The following INTU variants were observed in gnomAD, a reference collection of about 807,000 sequenced individuals.
INTU encodes the protein inturned planar cell polarity protein, also known as protein inturned.
A neutral mutation model predicts 100.5 loss-of-function variants in INTU; 68 were observed. The ratio of observed to expected loss-of-function variants is 0.68; its 90% CI spans 0.56 to 0.83. The LOEUF is 0.83. Ranked by LOEUF, INTU falls within the 40% of genes least tolerant of loss-of-function variation. The pLI is 0.00. For missense variants in INTU, 1,071 were observed against 1,114.7 expected (o/e 0.96, Z 0.56); for synonymous variants, 357 against 395.7 (o/e 0.90, Z 1.16).
intron 2 of INTU, among the ~76,000 whole-genome samples, chr4:127,646,627 C>G (rs1263082488): frequency 6.6e-6 from 1 of 152,142 alleles, no homozygotes; most frequent in Non-Finnish European, 1.5e-5. Context: ...AAGAAGCTCC[C>G]CCTCACCTCT....
chr4:127,701,136 C>G (rs1176030242), intron 9 of INTU, among the ~76,000 whole-genome samples: 1 of 152,102 alleles, frequency 6.6e-6, no homozygotes, highest in Admixed American at 6.6e-5. Flanking sequence ...GATGAAGCCT[C>G]AAGATTGAAC....
rs147061302 is a variant in INTU at position 127,635,092 on chromosome 4, G to A, written c.146+1912G>A. Among the ~76,000 whole-genome samples, 824 of 152,222 alleles carry A rather than the reference G, an allele frequency of 5.4e-3. 8 individuals carry two copies. Among genetic ancestry groups the A allele is most frequent in the African/African-American group, 0.019 (777 of 41,522 alleles). ...AATTTTCAAGGTTTTAGTTAACTGC[G>A]TGTTCTTTTTAGAAGTTACTGTTTC... is the stretch of plus-strand genomic sequence containing the variant. On this transcript the variant is annotated intron_variant, in intron 1 of 15. Coordinates refer to ENST00000335251, the MANE Select transcript of INTU (RefSeq NM_015693.4).
In INTU at chr4:127,705,391, G is replaced by A. The variant is rs148835716; in HGVS notation, c.1567-200G>A. 1.0e-3 allele frequency among the ~76,000 whole-genome samples: 155 copies of A among 152,122 alleles called. 1 individual carries two copies. The East Asian group carries it at 0.015, about 15-fold the overall frequency. ...TGCTTTGTGCTGAAGTCTACCTGTC[G>A]GTACACCTTAAGTTATCATTTGAGC... On this transcript the variant is annotated intron_variant, in intron 10 of 15. Coordinates refer to ENST00000335251, the MANE Select transcript of INTU (RefSeq NM_015693.4).
intron 9 of INTU, among the ~76,000 whole-genome samples, chr4:127,703,430 G>A (rs1220712990): frequency 1.3e-5 from 2 of 152,088 alleles, no homozygotes; most frequent in African/African-American, 4.8e-5. Flanking sequence ...TTATGGATTG[G>A]AATGTATCCT....
intron 3 of INTU, among the ~76,000 whole-genome samples, chr4:127,659,222 G>A (rs10032340): frequency 0.039 from 5,886 of 152,254 alleles, 379 homozygotes; most frequent in African/African-American, 0.13. Context: ...CCTGTAAGAA[G>A]ATGCCCTTAT....
intron 4 of INTU, 55 bp downstream of exon 4, chr4:127,663,639 A>G (rs914341130): frequency 2.0e-5 from 28 of 1,407,698 alleles, no homozygotes; most frequent in African/African-American, 2.9e-5. Context: ...CCCAAAGGAA[A>G]AAGTAAGGAC....
At chr4:127,671,994 C>T (rs1314061414) in intron 5 of INTU, among the ~76,000 whole-genome samples, 2 of 151,830 alleles carry the variant, frequency 1.3e-5, no homozygotes, top group Non-Finnish European at 2.9e-5. Flanking sequence ...GACATTGGAG[C>T]TTTTGAAGGG....
In INTU at chr4:127,642,023, TA is replaced by T. The variant is rs201919134; in HGVS notation, c.147-1497del. ...TTCATTGTTTAAATTGATATATATA[TA>T]TATTTTTTAAATTGATACATATGTT... On this transcript the variant is annotated intron_variant, in intron 1 of 15. Coordinates refer to ENST00000335251, the MANE Select transcript of INTU (RefSeq NM_015693.4). 9.7e-3 allele frequency among the ~76,000 whole-genome samples: 1,470 copies of T among 152,072 alleles called. 20 individuals carry two copies. Among genetic ancestry groups the T allele is most frequent in the African/African-American group, 0.033 (1,369 of 41,410 alleles).
chr4:127,674,241 A>T (rs764781959), intron 6 of INTU, 28 bp downstream of exon 6: 1 of 1,480,756 alleles, frequency 6.8e-7, no homozygotes, highest in African/African-American at 1.4e-5. Context: ...TTACCTTAAA[A>T]TCATTTCCAA....
chr4:127,684,434 A>T lies in INTU; in HGVS notation c.1207A>T (p.Met403Leu). 5.0e-6 allele frequency: 8 copies of T among 1,602,418 alleles called. No individual in the cohort carries two copies. The highest frequency in any genetic ancestry group is 6.8e-6 in the Non-Finnish European group (8 of 1,173,730). The change falls in exon 7 of 16, where the codon ATG becomes TTG. Residue 403 changes from methionine (M) to leucine (L), a missense_variant. Coordinates refer to ENST00000335251, the MANE Select transcript of INTU (RefSeq NM_015693.4). ...EEVPLPRLRN[M>L]IENVIQTLKF... Reference sequence around the variant, plus strand: ...AGTTCCTCTTCCTCGTCTAAGGAACATGATAGAAAATGTCATCCAAACCTT... The same window carrying T: ...AGTTCCTCTTCCTCGTCTAAGGAACTTGATAGAAAATGTCATCCAAACCTT...
intron 13 of INTU, among the ~76,000 whole-genome samples, chr4:127,709,728 C>G (rs1042637501): frequency 1.9e-4 from 29 of 152,014 alleles, no homozygotes; most frequent in African/African-American, 6.7e-4. Context: ...CACACACACA[C>G]ACACACACAC....
At chr4:127,677,969 G>T (rs1166748998) in intron 6 of INTU, among the ~76,000 whole-genome samples, 2 of 152,184 alleles carry the variant, frequency 1.3e-5, no homozygotes, top group Non-Finnish European at 2.9e-5. Context: ...AGCTTCAGGA[G>T]CCGATGCAAT....
At chr4:127,692,951 A>G (rs1415711183) in intron 8 of INTU, among the ~76,000 whole-genome samples, 1 of 151,650 alleles carries the variant, frequency 6.6e-6, no homozygotes, top group East Asian at 1.9e-4. Flanking sequence ...CTATGTGCCT[A>G]ATTTTTATAC....
At chr4:127,676,440 G>T (rs559304331) in intron 6 of INTU, among the ~76,000 whole-genome samples, 6 of 152,146 alleles carry the variant, frequency 3.9e-5, no homozygotes, top group Admixed American at 3.9e-4. Flanking sequence ...ACAAAAATTA[G>T]CCAGGCACAG....
chr4:127,714,273 G>A (rs1560622849), intron 15 of INTU, among the ~76,000 whole-genome samples, 180 bp downstream of exon 15: 1 of 151,838 alleles, frequency 6.6e-6, no homozygotes, highest in African/African-American at 2.4e-5. Context: ...TTTTTCTATT[G>A]AAAATTATCT....
At chr4:127,671,176 G>C (rs1476328320) in intron 5 of INTU, among the ~76,000 whole-genome samples, 1 of 151,834 alleles carries the variant, frequency 6.6e-6, no homozygotes, top group Admixed American at 6.6e-5. Flanking sequence ...TCAATAGATA[G>C]CCTGCGGAAT....
intron 2 of INTU, among the ~76,000 whole-genome samples, chr4:127,652,722 G>A (rs1340074419): frequency 3.1e-5 from 4 of 129,000 alleles, no homozygotes; most frequent in Non-Finnish European, 6.4e-5. Flanking sequence ...GTATCAGAAT[G>A]ATGCTGGCCT....
chr4:127,689,688 GAA>G (rs1290395181), intron 8 of INTU, among the ~76,000 whole-genome samples: 1 of 150,632 alleles, frequency 6.6e-6, no homozygotes, highest in Non-Finnish European at 1.5e-5. Flanking sequence ...AAAGGAAAAA[GAA>G]GAGGGAAAAG....
chr4:127,648,025 A>G (rs1727668255), intron 2 of INTU, among the ~76,000 whole-genome samples: 1 of 152,178 alleles, frequency 6.6e-6, no homozygotes, highest in Admixed American at 6.5e-5. Context: ...ACATTGAGGA[A>G]CTGTGATAAA....
Sources: gnomAD v4.1 joint callset for allele counts (sites outside exome capture counted in the v4.1 genomes callset) on GRCh38, gnomAD v4.1.1 for gene constraint, MANE v1.5 for transcripts, NCBI Gene and HGNC (gene_info 2026-07-23, HGNC 2026-07-21) for gene names.